The following OTOGL variants were observed in gnomAD, a reference collection of about 807,000 sequenced individuals.
OTOGL encodes otogelin like.
In OTOGL, 285 loss-of-function variants were observed where a neutral mutation model predicts 318.5. The observed-to-expected ratio is 0.89, with a 90% confidence interval of 0.81 to 0.99. OTOGL has a LOEUF of 0.99. Among genes scored for constraint, OTOGL ranks in the 50% least tolerant of loss-of-function variants. The pLI, the probability that OTOGL is intolerant of heterozygous loss-of-function variation, is 0.00. For synonymous variants in OTOGL, 987 were observed against 936.5 expected, an observed-to-expected ratio of 1.05 and a Z score of -0.99; for missense variants, 2,899 against 2,845.6, an observed-to-expected ratio of 1.02 and a Z score of -0.43.
chr12:80,198,869 C>G (rs1592538522), intron 1 of OTOGL, among the ~76,000 whole-genome samples: 1 of 152,264 alleles, frequency 6.6e-6, no homozygotes, highest in East Asian at 1.9e-4. Flanking sequence ...CCATCCTAGA[C>G]CAAATAGCTA....
At chr12:80,253,605 T>C (rs1370481977) in intron 14 of OTOGL, 31 bp downstream of exon 14, 3 of 1,527,982 alleles carry the variant, frequency 2.0e-6, no homozygotes, top group African/African-American at 1.4e-5. Context: ...CAATTATTTC[T>C]GGGTACTTGG....
intron 44 of OTOGL, among the ~76,000 whole-genome samples, chr12:80,347,567 G>A (rs1409721078): frequency 6.6e-6 from 1 of 152,092 alleles, no homozygotes; most frequent in Non-Finnish European, 1.5e-5. Flanking sequence ...TTGGTTCCAA[G>A]TCTTTGCTAT....
At chr12:80,163,006 C>T (rs913382599) in intron 1 of OTOGL, among the ~76,000 whole-genome samples, 1 of 151,948 alleles carries the variant, frequency 6.6e-6, no homozygotes, top group Non-Finnish European at 1.5e-5. Flanking sequence ...ACTGGGTCCT[C>T]TTTACTATTA....
intron 1 of OTOGL, among the ~76,000 whole-genome samples, chr12:80,144,473 G>C (rs1416954200): frequency 4.7e-5 from 7 of 148,326 alleles, no homozygotes; most frequent in Admixed American, 2.0e-4. Flanking sequence ...CATTTGGGTT[G>C]GTTCCAAGTC....
chr12:80,149,339 G>A (rs1380784418), intron 1 of OTOGL, among the ~76,000 whole-genome samples: 3 of 151,988 alleles, frequency 2.0e-5, no homozygotes, highest in Non-Finnish European at 4.4e-5. Flanking sequence ...TGCCCCTGCT[G>A]GGGGGTGCCT....
intron 28 of OTOGL, 143 bp from the exon 29 acceptor site, chr12:80,305,433 T>C: frequency 2.5e-6 from 2 of 798,076 alleles, no homozygotes; most frequent in Non-Finnish European, 3.4e-6. Flanking sequence ...GAAAATCCAC[T>C]TTCTTCAAGT....
intron 50 of OTOGL, 36 bp downstream of exon 50, chr12:80,358,385 G>A (rs1359870640): frequency 3.4e-6 from 5 of 1,465,918 alleles, no homozygotes; most frequent in Non-Finnish European, 4.7e-6. Context: ...ATATTTAGAT[G>A]TGTCCAATGT....
At chr12:80,375,631 C>A (rs1891136703) in intron 57 of OTOGL, among the ~76,000 whole-genome samples, 1 of 152,016 alleles carries the variant, frequency 6.6e-6, no homozygotes, top group African/African-American at 2.4e-5. Flanking sequence ...GGGAAGCCAC[C>A]CACATGGTGA....
chr12:80,358,362 T>G lies in OTOGL; in HGVS notation c.6121+13T>G. On this transcript the variant is annotated intron_variant, in intron 50 of 58. Coordinates refer to ENST00000547103, the MANE Select transcript of OTOGL (RefSeq NM_001378609.3). ...CAGTATTACTGTGGTAAGTGTATATTAACTATTCTAAAATATTTAGATGTG... is the reference window on the plus strand; with the variant it reads ...CAGTATTACTGTGGTAAGTGTATATGAACTATTCTAAAATATTTAGATGTG... 2 of 1,540,922 alleles carry G rather than the reference T, an allele frequency of 1.3e-6. No homozygotes were observed. Among genetic ancestry groups the G allele is most frequent in the Admixed American group, 1.8e-5 (1 of 56,526 alleles).
At chr12:80,119,938 A>G (rs1260691399) in intron 1 of OTOGL, among the ~76,000 whole-genome samples, 3 of 152,178 alleles carry the variant, frequency 2.0e-5, no homozygotes, top group Admixed American at 6.6e-5. Flanking sequence ...TAATTTTTTC[A>G]TCAGTTGTCT....
intron 46 of OTOGL, among the ~76,000 whole-genome samples, chr12:80,353,872 A>G (rs751966439): frequency 3.3e-5 from 5 of 152,214 alleles, no homozygotes; most frequent in Non-Finnish European, 5.9e-5. Context: ...GAGGAAAATA[A>G]TAGTACTTAT....
At chr12:80,314,379 G>T in intron 32 of OTOGL, 48 bp downstream of exon 32, 1 of 790,840 alleles carries the variant, frequency 1.3e-6, no homozygotes, top group Non-Finnish European at 1.7e-6. Context: ...TCTATTAGGT[G>T]TATTTTCATA....
chr12:80,351,580 T>C (rs1484383749), intron 44 of OTOGL, among the ~76,000 whole-genome samples: 1 of 152,068 alleles, frequency 6.6e-6, no homozygotes, highest in Non-Finnish European at 1.5e-5. Context: ...TCCCAAGCCA[T>C]TGGTTTTTAT....
At chr12:80,295,766 G>A (rs1472128382) in intron 26 of OTOGL, among the ~76,000 whole-genome samples, 3 of 152,160 alleles carry the variant, frequency 2.0e-5, no homozygotes, top group African/African-American at 7.2e-5. Context: ...GTAAGTATAT[G>A]AGTTGATGAG....
chr12:80,136,665 C>CA (rs1871591628), intron 1 of OTOGL, among the ~76,000 whole-genome samples: 1 of 152,246 alleles, frequency 6.6e-6, no homozygotes, highest in South Asian at 2.1e-4. Flanking sequence ...CAGCTGTGAA[C>CA]AACGGTATAG....
intron 3 of OTOGL, 98 bp from the exon 4 acceptor site, chr12:80,211,851 T>C: frequency 1.0e-6 from 1 of 980,404 alleles, no homozygotes; most frequent in Non-Finnish European, 1.5e-6. Context: ...GATAAAGTGA[T>C]GGAAATCAGG....
intron 55 of OTOGL, among the ~76,000 whole-genome samples, chr12:80,369,380 A>C (rs1008528198): frequency 6.6e-6 from 1 of 152,098 alleles, no homozygotes; most frequent in Admixed American, 6.6e-5. Context: ...ATACTTGATT[A>C]AACAGGAAAG....
Position 80,338,152 on chromosome 12 carries a change from A to G in OTOGL, c.4861-923A>G, listed in dbSNP as rs556844709. ...TAACTTATACTTGTGCATGATTTGCATAATGTAATTACCTGCTGATTAGAA... is the reference window on the plus strand; with the variant it reads ...TAACTTATACTTGTGCATGATTTGCGTAATGTAATTACCTGCTGATTAGAA... On this transcript the variant is annotated intron_variant, in intron 42 of 58. Coordinates refer to ENST00000547103, the MANE Select transcript of OTOGL (RefSeq NM_001378609.3). 9.1e-4 allele frequency among the ~76,000 whole-genome samples: 139 copies of G among 152,220 alleles called. 6 individuals carry two copies. In the South Asian group the frequency reaches 0.026, roughly 29 times the overall value.
intron 1 of OTOGL, among the ~76,000 whole-genome samples, chr12:80,108,077 C>T (rs1869563547): frequency 6.6e-6 from 1 of 152,078 alleles, no homozygotes; most frequent in South Asian, 2.1e-4. Context: ...CAAACCTGCA[C>T]ATGTACCCCA....
Sources: gnomAD v4.1 joint callset for allele counts (sites outside exome capture counted in the v4.1 genomes callset) on GRCh38, gnomAD v4.1.1 for gene constraint, MANE v1.5 for transcripts, NCBI Gene and HGNC (gene_info 2026-07-23, HGNC 2026-07-21) for gene names.